The following HIPK1 variants were observed in gnomAD, a reference collection of about 807,000 sequenced individuals.
HIPK1 encodes the protein homeodomain-interacting protein kinase 1.
HIPK1 carries 28 observed loss-of-function variants against 117.1 expected under a neutral mutation model. The observed-to-expected ratio is 0.24, with a 90% confidence interval of 0.18 to 0.33. The LOEUF is 0.33. HIPK1 is among the 10% of genes least tolerant of loss of function. The pLI is 1.00. For missense variants in HIPK1, 1,122 were observed against 1,475.1 expected, an observed-to-expected ratio of 0.76 and a Z score of 3.92; for synonymous variants, 605 against 562.5, an observed-to-expected ratio of 1.08 and a Z score of -1.07.
At chr1:113,962,200 C>T in intron 8 of HIPK1, 117 bp from the exon 9 acceptor site, 1 of 1,021,748 alleles carries the variant, frequency 9.8e-7, no homozygotes, top group Non-Finnish European at 1.4e-6. Context: ...TCTTAAGTGT[C>T]TAGGATTAAA....
Position 113,941,283 on chromosome 1 carries a change from C to G in HIPK1, c.900C>G (p.Ala300=). Residue 300 remains alanine (A), a synonymous_variant, in exon 2 of 16, where the codon GCC becomes GCG. Coordinates refer to ENST00000426820, the MANE Select transcript of HIPK1 (RefSeq NM_198268.3). This position sits in a 1 kb window ranked among gnomAD's most constrained non-coding sequence, Gnocchi z 4.9. The part of the protein sequence containing the change: ...KYIRPILQQV[A]TALMKLKSLG... ...TCAGACCAATCTTGCAGCAGGTGGC[C>G]ACAGCCTTGATGAAGCTCAAGAGTC... 6.2e-7 allele frequency: 1 copy of G among 1,614,222 alleles called. No individual in the cohort carries two copies. Among genetic ancestry groups the G allele is most frequent in the Non-Finnish European group, 8.5e-7 (1 of 1,180,026 alleles).
chr1:113,957,187 G>A lies in HIPK1; in HGVS notation c.1656G>A (p.Val552=). Residue 552 remains valine (V), a synonymous_variant, in exon 7 of 16, where the codon GTG becomes GTA. Coordinates refer to ENST00000426820, the MANE Select transcript of HIPK1 (RefSeq NM_198268.3). ...CKRRVHMYDT[V]SQIKSPFTTH... is the part of the protein sequence containing the mutation. ...GGAGGGTTCACATGTATGATACAGT[G>A]AGTCAGATCAAGAGTCCCTTCACTA... 6 of 1,613,572 alleles carry A rather than the reference G, an allele frequency of 3.7e-6. No individual in the cohort carries two copies. The highest frequency in any genetic ancestry group is 4.2e-6 in the Non-Finnish European group (5 of 1,179,504).
chr1:113,934,039 A>T (rs1453439799), intron 1 of HIPK1, among the ~76,000 whole-genome samples: 1 of 152,200 alleles, frequency 6.6e-6, no homozygotes, highest in African/African-American at 2.4e-5. Context: ...ATGTACTCTT[A>T]TCATCTGTAA....
chr1:113,945,364 CT>C (rs1166625780), intron 2 of HIPK1, among the ~76,000 whole-genome samples: 1 of 152,142 alleles, frequency 6.6e-6, no homozygotes, highest in African/African-American at 2.4e-5. Flanking sequence ...TCTACTTTTT[CT>C]TTGGTTGCTT....
Position 113,956,622 on chromosome 1 carries a change from G to T in HIPK1, c.1408-5G>T. 1 of 1,604,936 alleles carries T rather than the reference G, an allele frequency of 6.2e-7. No homozygotes were observed. The highest frequency in any genetic ancestry group is 1.3e-5 in the African/African-American group (1 of 74,446). The stretch of plus-strand genomic sequence containing the variant: ...AGAAGTATAATTCTGAATTTTCTTT[G>T]GAAGGTGAATATGTCTACAGACCTG... On this transcript the variant is annotated splice_polypyrimidine_tract_variant and splice_region_variant and intron_variant, in intron 5 of 15. Transcript: ENST00000426820.
Position 113,937,068 on chromosome 1 carries a change from G to A in HIPK1, c.-2-3314G>A, listed in dbSNP as rs770266721. Among the ~76,000 whole-genome samples, 83 of 152,128 alleles carry A rather than the reference G, an allele frequency of 5.5e-4. 4 individuals are homozygous for A. Among genetic ancestry groups the A allele is most frequent in the Non-Finnish European group, 3.4e-4 (23 of 68,024 alleles). On this transcript the variant is annotated intron_variant, in intron 1 of 15. Coordinates refer to ENST00000426820, the MANE Select transcript of HIPK1 (RefSeq NM_198268.3). ...TCAGATTTTTCTTTTATTATATTTGGTATTTCAGTGAAGTAGGTAGAACAA... is the reference window on the plus strand; with the variant it reads ...TCAGATTTTTCTTTTATTATATTTGATATTTCAGTGAAGTAGGTAGAACAA...
chr1:113,973,081 C>T lies in HIPK1; in HGVS notation c.3202C>T (p.Arg1068Cys), dbSNP rs1333652557. 23 of 1,535,426 alleles carry T rather than the reference C, an allele frequency of 1.5e-5. No homozygotes were observed. The highest frequency in any genetic ancestry group is 1.4e-4 in the South Asian group (11 of 77,602). The stretch of plus-strand genomic sequence containing the variant: ...GGAGAGAAGCAGCAACCCAGCCCCC[C>T]GCAGGCAGCAGGCGTTTGTGGCCCC... ...SQERSSNPAP[R>C]RQQAFVAPLS... The change falls in exon 16 of 16, where the codon CGC (arginine) becomes TGC (cysteine). Residue 1068 changes from arginine to cysteine, a missense_variant. Physicochemically the swap from Arg to Cys is radical, Grantham distance 180 (BLOSUM62 -3). This residue lies in a region of HIPK1 where 731 missense variants were observed against 860.4 expected (regional missense o/e 0.85). Transcript: ENST00000426820.
chr1:113,930,100 G>A (rs904186331), intron 1 of HIPK1, among the ~76,000 whole-genome samples: 1 of 152,218 alleles, frequency 6.6e-6, no homozygotes, highest in South Asian at 2.1e-4. Flanking sequence ...GCGTCTTGCG[G>A]CCCGGCCGCT....
At chr1:113,957,035 A>G (rs2101351374) in intron 6 of HIPK1, 89 bp from the exon 7 acceptor site, 1 of 1,144,918 alleles carries the variant, frequency 8.7e-7, no homozygotes, top group Non-Finnish European at 1.3e-6. Flanking sequence ...TGATTGGGAA[A>G]AAAAGCTTTG....
At chr1:113,931,168 GTTTTTT>G (rs35159791) in intron 1 of HIPK1, among the ~76,000 whole-genome samples, 1 of 137,004 alleles carries the variant, frequency 7.3e-6, no homozygotes, top group African/African-American at 2.7e-5. Flanking sequence ...TGGTCTGTGG[GTTTTTT>G]TTTTTTTTTT....
chr1:113,969,991 A>G lies in HIPK1; in HGVS notation c.2807A>G (p.Tyr936Cys), dbSNP rs200028656. Residue 936 changes from tyrosine (Y) to cysteine (C), a missense_variant, in exon 14 of 16, where the codon TAT (tyrosine) becomes TGT (cysteine). Tyr to Cys is a radical substitution (Grantham distance 194). Coordinates refer to ENST00000426820, the MANE Select transcript of HIPK1 (RefSeq NM_198268.3). ...AAGCCAAGGTCTAATGTCATCAGTT[A>G]TGTCACTGTCAATGATTCTCCAGAC... ...GLKPRSNVISYVTVNDSPDSD... is the reference protein window; with the variant it reads ...GLKPRSNVISCVTVNDSPDSD... 5.9e-5 allele frequency: 96 copies of G among 1,614,012 alleles called. No individual in the cohort carries two copies. Among genetic ancestry groups the G allele is most frequent in the Non-Finnish European group, 7.1e-5 (84 of 1,179,960 alleles).
At chr1:113,957,680 A>G (rs1474654253) in intron 7 of HIPK1, among the ~76,000 whole-genome samples, 2 of 152,192 alleles carry the variant, frequency 1.3e-5, no homozygotes, top group Non-Finnish European at 2.9e-5. Flanking sequence ...TTTGTTTGCT[A>G]GCCAGTGATA....
At chr1:113,939,763 A>G (rs975991339) in intron 1 of HIPK1, among the ~76,000 whole-genome samples, 3 of 152,116 alleles carry the variant, frequency 2.0e-5, no homozygotes, top group Admixed American at 6.6e-5. Context: ...CTTGTGTGCT[A>G]TGTCAGATGT....
chr1:113,961,062 TATA>T (rs1672074165), intron 8 of HIPK1, among the ~76,000 whole-genome samples: 1 of 152,198 alleles, frequency 6.6e-6, no homozygotes, highest in Non-Finnish European at 1.5e-5. Flanking sequence ...GAATTGGAAA[TATA>T]ATAGCAACTT....
At position 113,971,806 on chromosome 1, in the gene HIPK1, A is replaced by G; in HGVS notation, c.3014-18A>G. 8 of 1,589,502 alleles carry G rather than the reference A, an allele frequency of 5.0e-6. 1 individual carries two copies. The South Asian group carries it at 7.0e-5, about 14-fold the overall frequency. ...CAGTGATGTCTACTCATAACTATTA[A>G]GCCTGGTGCTTTTTTAGGTCTCCTG... On this transcript the variant is annotated intron_variant, in intron 14 of 15. Coordinates refer to ENST00000426820, the MANE Select transcript of HIPK1 (RefSeq NM_198268.3).
chr1:113,940,044 A>C (rs1285820567), intron 1 of HIPK1, among the ~76,000 whole-genome samples: 1 of 149,668 alleles, frequency 6.7e-6, no homozygotes, highest in Non-Finnish European at 1.5e-5. Context: ...AGCTCAGGAG[A>C]TCTTCCTGCC....
intron 5 of HIPK1, among the ~76,000 whole-genome samples, chr1:113,956,389 TA>T: frequency 1.3e-5 from 2 of 152,276 alleles, no homozygotes; most frequent in Middle Eastern, 6.8e-3. Context: ...CCCAAATTTT[TA>T]ATGACAAGAA....
rs1457042878 is a variant in HIPK1 at position 113,976,042 on chromosome 1, AT to A, written c.*2533del. ...AGGAGGTGCAGGATGGAGATGGGAG[AT>A]TTCATGGAGCCTGGTCAGCCAGCTC... On this transcript the variant is annotated 3_prime_UTR_variant, in exon 16 of 16. Transcript: ENST00000426820. The A allele has an allele frequency of 6.5e-6, 1 of 152,678 alleles. No individual in the cohort carries two copies. The highest frequency in any genetic ancestry group is 2.4e-5 in the African/African-American group (1 of 41,396). 9.5% of individuals were successfully genotyped at this position (152,678 alleles called of 1,614,324 possible).
Position 113,977,496 on chromosome 1 carries a change from T to C in HIPK1, c.*3984T>C, listed in dbSNP as rs989393563. On this transcript the variant is annotated 3_prime_UTR_variant, in exon 16 of 16. Coordinates refer to ENST00000426820, the MANE Select transcript of HIPK1 (RefSeq NM_198268.3). ...ACTTTTTTTGCTTTCTCCCTTTTTTTGGTTGTGCGCTTTCTTTTACAACAA... is the reference window on the plus strand; with the variant it reads ...ACTTTTTTTGCTTTCTCCCTTTTTTCGGTTGTGCGCTTTCTTTTACAACAA... The C allele has an allele frequency of 6.5e-6, 1 of 152,796 alleles. No individual in the cohort carries two copies. The highest frequency in any genetic ancestry group is 2.4e-5 in the African/African-American group (1 of 41,468). The allele number at this position is 152,796 out of a possible 1,614,324, so 9.5% of individuals were successfully genotyped here.
Sources: gnomAD v4.1 joint callset for allele counts (sites outside exome capture counted in the v4.1 genomes callset) on GRCh38, gnomAD v4.1.1 for gene constraint, gnomAD v4.1.1 regional missense constraint, Gnocchi (gnomAD v3.1) non-coding constraint, MANE v1.5 for transcripts, NCBI Gene and HGNC (gene_info 2026-07-23, HGNC 2026-07-21) for gene names.